NLRC4: variants seen among roughly 807,000 people sequenced by gnomAD.
NLRC4 encodes NLR family CARD domain-containing protein 4.
In NLRC4, 63 loss-of-function variants were observed where a neutral mutation model predicts 79.9. The observed-to-expected ratio is 0.79, with a 90% CI of 0.64 to 0.97. The LOEUF (loss-of-function observed/expected upper bound fraction) is 0.97. NLRC4 is among the 50% of genes least tolerant of loss of function. NLRC4 has a pLI of 0.00. For missense variants in NLRC4, 1,074 were observed against 1,215.2 expected, an observed-to-expected ratio of 0.88 and a Z score of 1.73; for synonymous variants, 461 against 456.5, an observed-to-expected ratio of 1.01 and a Z score of -0.12.
In NLRC4 at chr2:32,250,516, T is replaced by G. The variant is rs145866130; in HGVS notation, c.1348A>C (p.Thr450Pro). The G allele has an allele frequency of 1.4e-5, 22 of 1,614,138 alleles. No homozygotes were observed. The highest frequency in any genetic ancestry group is 1.8e-5 in the Non-Finnish European group (21 of 1,180,060). ...KFFHKSFQEYTAGRRLSSLLT... is the reference protein window; with the variant it reads ...KFFHKSFQEYPAGRRLSSLLT... ...AAACTGCTGAGTCTTCGTCCTGCTG[T>G]GTACTCCTGGAATGACTTGTGAAAG... The change falls in exon 4 of 9, where the codon ACA becomes CCA. Residue 450 changes from threonine (T) to proline (P), a missense_variant. Coordinates refer to ENST00000402280, the MANE Select transcript of NLRC4 (RefSeq NM_001199138.2). The surrounding 1 kb of genome is among the most constrained non-coding windows in gnomAD (Gnocchi z 4.9).
At chr2:32,233,178 AAGGAAGGAAGGAAGG>A (rs1162254975) in intron 8 of NLRC4, among the ~76,000 whole-genome samples, 1 of 73,654 alleles carries the variant, frequency 1.4e-5, no homozygotes, top group Non-Finnish European at 2.6e-5. Flanking sequence ...GGAAGGAAGG[AAGGAAGGAAGGAAGG>A]AAGGGAGGGA....
At chr2:32,226,174 G>T (rs566330176) in intron 8 of NLRC4, among the ~76,000 whole-genome samples, 11 of 152,128 alleles carry the variant, frequency 7.2e-5, no homozygotes, top group Admixed American at 2.0e-4. Context: ...AGCTTACGTG[G>T]GTGAGGTCAA....
intron 8 of NLRC4, among the ~76,000 whole-genome samples, chr2:32,227,281 C>T (rs1337113523): frequency 6.6e-6 from 1 of 152,138 alleles, no homozygotes; most frequent in Non-Finnish European, 1.5e-5. Context: ...TCAAGTTCTG[C>T]CTTCTGTAAG....
At position 32,250,920 on chromosome 2, in the gene NLRC4, TTGATCAGCACTTCTCGGATGAGAGCCTGG is replaced by T. The variant is rs764773982; in HGVS notation, c.915_943del (p.Gln306GlyfsTer4). 4.3e-5 allele frequency: 69 copies of T among 1,614,014 alleles called. 1 individual carries two copies. Among genetic ancestry groups the T allele is most frequent in the Non-Finnish European group, 3.4e-6 (4 of 1,180,024 alleles). ...GAGCAACAAGCCTTCAGCAAGCTCC[TTGATCAGCACTTCTCGGATGAGAGCCTGG>T]GCGCTGTCTTCTGTCATATCCCCCA... On this transcript the variant is annotated frameshift_variant, in exon 4 of 9. Transcript: ENST00000402280. LOFTEE classifies it high-confidence loss of function. This position sits in a 1 kb window ranked among gnomAD's most constrained non-coding sequence, Gnocchi z 4.9.
Position 32,254,613 on chromosome 2 carries a change from G to GT in NLRC4, c.2-1935dup, listed in dbSNP as rs61379576. On this transcript the variant is annotated intron_variant, in intron 2 of 8. Transcript: ENST00000402280. Reference sequence around the variant, plus strand: ...TTCTTCCTGGGCTAGGCTGCTCCTGGTTTTTTTTTTTTTTTTTTTTTTCAG... The same window carrying GT: ...TTCTTCCTGGGCTAGGCTGCTCCTGGTTTTTTTTTTTTTTTTTTTTTTTCAG... Among the ~76,000 whole-genome samples, 941 of 95,214 alleles carry GT rather than the reference G, an allele frequency of 9.9e-3. 20 individuals are homozygous for GT. Among genetic ancestry groups the GT allele is most frequent in the African/African-American group, 0.03 (688 of 22,976 alleles). 62.5% of individuals were successfully genotyped at this position (95,214 alleles called of 152,430 possible). A position where few individuals can be genotyped will look rare whatever the true frequency, so the allele number is the denominator to read the frequency against.
At chr2:32,257,009 CT>C in intron 1 of NLRC4, 116 bp from the exon 2 acceptor site, 1 of 491,278 alleles carries the variant, frequency 2.0e-6, no homozygotes, top group Non-Finnish European at 3.7e-6. Flanking sequence ...CAGAAAAAAA[CT>C]CGCTCAAAGC....
At chr2:32,260,184 GTGC>G (rs1687307614) in intron 1 of NLRC4, among the ~76,000 whole-genome samples, 1 of 132,822 alleles carries the variant, frequency 7.5e-6, no homozygotes, top group African/African-American at 2.8e-5. Flanking sequence ...AGCCAAGATC[GTGC>G]CACCACACTC....
intron 1 of NLRC4, among the ~76,000 whole-genome samples, chr2:32,260,496 T>A (rs1035707961): frequency 6.6e-6 from 1 of 152,088 alleles, no homozygotes; most frequent in Non-Finnish European, 1.5e-5. Flanking sequence ...GTTGTGAGAG[T>A]GATAAGTGAG....
chr2:32,261,321 G>GTTTTTTTTTTTTTTTTTT (rs1163830201), intron 1 of NLRC4, among the ~76,000 whole-genome samples: 1 of 79,334 alleles, frequency 1.3e-5, no homozygotes, highest in African/African-American at 5.1e-5. Context: ...CCCCCCTTTT[G>GTTTTTTTTTTTTTTTTTT]TTTTTTTTTG....
chr2:32,252,785 G>A (rs980604548), intron 2 of NLRC4, 106 bp from the exon 3 acceptor site: 7 of 841,062 alleles, frequency 8.3e-6, no homozygotes, highest in Admixed American at 4.5e-5. Context: ...TTGGGAGGCC[G>A]AGGCGGGCAG....
chr2:32,235,598 T>C, intron 7 of NLRC4, 30 bp from the exon 8 acceptor site: 1 of 1,596,594 alleles, frequency 6.3e-7, no homozygotes. Context: ...GTTCAGGGAC[T>C]GGATGGTCTC....
At chr2:32,253,747 C>G (rs1045719478) in intron 2 of NLRC4, among the ~76,000 whole-genome samples, 2 of 151,766 alleles carry the variant, frequency 1.3e-5, no homozygotes, top group Non-Finnish European at 2.9e-5. Context: ...GGCGGATCAC[C>G]AGAGGTCGGG....
chr2:32,260,403 A>G (rs1387470363), intron 1 of NLRC4, among the ~76,000 whole-genome samples: 1 of 152,120 alleles, frequency 6.6e-6, no homozygotes, highest in Non-Finnish European at 1.5e-5. Context: ...TGATCTTTCT[A>G]ATTTCACAAG....
intron 5 of NLRC4, among the ~76,000 whole-genome samples, chr2:32,240,044 A>G (rs947851448): frequency 6.6e-6 from 1 of 152,148 alleles, no homozygotes; most frequent in Non-Finnish European, 1.5e-5. Flanking sequence ...GCAGTGGAGC[A>G]ATCTCGGCTC....
chr2:32,235,625 A>C, intron 7 of NLRC4, 57 bp from the exon 8 acceptor site: 1 of 1,439,844 alleles, frequency 6.9e-7, no homozygotes, highest in Non-Finnish European at 9.7e-7. Context: ...GAGGAAGAAC[A>C]AAGGGGTGTT....
At chr2:32,247,015 C>T (rs1686952802) in intron 4 of NLRC4, among the ~76,000 whole-genome samples, 1 of 152,192 alleles carries the variant, frequency 6.6e-6, no homozygotes, top group African/African-American at 2.4e-5. Flanking sequence ...GCCTTGGCCT[C>T]CCAAAGTGTT....
At position 32,251,310 on chromosome 2, in the gene NLRC4, A is replaced by G. The variant is rs1687072125; in HGVS notation, c.554T>C (p.Leu185Pro). Residue 185 changes from leucine (L) to proline (P), a missense_variant, in exon 4 of 9, where the codon CTC becomes CCC. Physicochemically the swap from Leu to Pro is moderately conservative, Grantham distance 98. Coordinates refer to ENST00000402280, the MANE Select transcript of NLRC4 (RefSeq NM_001199138.2). ...AGCCTTGCACTTTCCGGAGCCCCAG[A>G]GCATGGCAATTCGCTGCAGCAGAGT... ...KSTLLQRIAM[L>P]WGSGKCKALT... is the part of the protein sequence containing the mutation. 1.9e-6 allele frequency: 3 copies of G among 1,614,102 alleles called. No individual in the cohort carries two copies. The East Asian group carries it at 6.7e-5, about 36-fold the overall frequency.
intron 5 of NLRC4, among the ~76,000 whole-genome samples, chr2:32,239,029 C>T (rs1686735262): frequency 6.6e-6 from 1 of 152,020 alleles, no homozygotes; most frequent in South Asian, 2.1e-4. Flanking sequence ...ACCTGTAATC[C>T]CAGCACTATG....
chr2:32,258,868 A>T (rs1430618700), intron 1 of NLRC4, among the ~76,000 whole-genome samples: 1 of 152,022 alleles, frequency 6.6e-6, no homozygotes, highest in South Asian at 2.1e-4. Context: ...TAGATGATCT[A>T]CCCCGGCTCC....
Sources: allele counts gnomAD v4.1 joint callset (sites outside exome capture counted in the v4.1 genomes callset), GRCh38; gene constraint gnomAD v4.1.1; non-coding constraint Gnocchi (gnomAD v3.1); transcripts MANE v1.5; gene names NCBI Gene and HGNC (gene_info 2026-07-23, HGNC 2026-07-21).